The following KATNA1 variants were observed in gnomAD, a reference collection of about 807,000 sequenced individuals.
The protein encoded by KATNA1 is katanin p60 ATPase-containing subunit A1.
Under a neutral mutation model 62.6 loss-of-function variants are expected in KATNA1, and 42 were observed. The observed-to-expected ratio is 0.67, with a 90% CI of 0.52 to 0.87. The LOEUF (loss-of-function observed/expected upper bound fraction) is 0.87. Ranked by LOEUF, KATNA1 falls within the 40% of genes least tolerant of loss-of-function variation. The probability of loss-of-function intolerance (pLI) is 0.00; values close to 1 mark genes in which losing one functional copy is unlikely to be tolerated. For synonymous variants in KATNA1, 186 were observed against 201.9 expected (o/e 0.92, Z 0.67); for missense variants, 498 against 612.5 (o/e 0.81, Z 1.97).
chr6:149,615,402 A>G (rs1226399669), intron 4 of KATNA1, among the ~76,000 whole-genome samples: 1 of 151,802 alleles, frequency 6.6e-6, no homozygotes, highest in African/African-American at 2.4e-5. Context: ...ACGGGCTTTC[A>G]CCATCTTGTC....
At position 149,648,252 on chromosome 6, in the gene KATNA1, G is replaced by A. The variant is rs909901487; in HGVS notation, c.-14+217C>T. ...AAAGATGGGATCGACAGGAGCCCCC[G>A]AAAAGTCCTCCGCCTGACAGGATTC... is the stretch of plus-strand genomic sequence containing the variant. On this transcript the variant is annotated intron_variant, in intron 1 of 10. Coordinates refer to ENST00000367411, the MANE Select transcript of KATNA1 (RefSeq NM_007044.4). Among the ~76,000 whole-genome samples the A allele has an allele frequency of 3.9e-5, 6 of 152,158 alleles. No homozygotes were observed. In the East Asian group the frequency reaches 7.7e-4, roughly 20 times the overall value.
At chr6:149,621,445 A>G (rs908816891) in intron 4 of KATNA1, among the ~76,000 whole-genome samples, 2 of 149,736 alleles carry the variant, frequency 1.3e-5, no homozygotes, top group Admixed American at 1.3e-4. Context: ...TATATGATAC[A>G]CTGAGAGAAA....
At chr6:149,600,300 G>C (rs1778488905) in intron 7 of KATNA1, among the ~76,000 whole-genome samples, 1 of 148,762 alleles carries the variant, frequency 6.7e-6, no homozygotes, top group African/African-American at 2.5e-5. Context: ...AGGAGTTCTA[G>C]ACTGCCTGGG....
chr6:149,619,122 A>G lies in KATNA1; in HGVS notation c.501+3981T>C, dbSNP rs189371688. Among the ~76,000 whole-genome samples the G allele has an allele frequency of 7.9e-5, 12 of 152,318 alleles. No homozygotes were observed. In the South Asian group the frequency reaches 2.1e-3, roughly 26 times the overall value. On this transcript the variant is annotated intron_variant, in intron 4 of 10. Transcript: ENST00000367411. ...CCAGAATATACAAAGAACTCAAACA[A>G]GAGCAAAAAACCCCCCACAAATAAT...
intron 3 of KATNA1, among the ~76,000 whole-genome samples, chr6:149,627,162 G>A (rs1779644512): frequency 1.3e-5 from 2 of 151,356 alleles, no homozygotes; most frequent in East Asian, 1.9e-4. Context: ...TGAGGCTGAG[G>A]CAGGTGGATC....
chr6:149,601,750 TC>T lies in KATNA1; in HGVS notation c.731del (p.Gly244GlufsTer3), dbSNP rs1387288815. The T allele has an allele frequency of 6.3e-7, 1 of 1,586,536 alleles. No homozygotes were observed. The highest frequency in any genetic ancestry group is 8.6e-7 in the Non-Finnish European group (1 of 1,167,954). On this transcript the variant is annotated frameshift_variant and splice_region_variant, in exon 7 of 11. Transcript: ENST00000367411. LOFTEE classifies it high-confidence loss of function. ...FFKGIRRPWK[G>X]VLMVGPPGTG... ...TGCCAGGTGGGCCGACCATCAGTAC[TC>T]CCTGTTGCGAATATAATAGCCTCAG... is the stretch of plus-strand genomic sequence containing the variant.
At chr6:149,648,151 C>T (rs1392061166) in intron 1 of KATNA1, among the ~76,000 whole-genome samples, 1 of 152,096 alleles carries the variant, frequency 6.6e-6, no homozygotes, top group Non-Finnish European at 1.5e-5. Flanking sequence ...GGGGCGTGAG[C>T]GGGTTCTGGA....
intron 3 of KATNA1, among the ~76,000 whole-genome samples, chr6:149,624,535 C>CCA (rs1378762644): frequency 2.6e-5 from 4 of 152,036 alleles, no homozygotes; most frequent in Non-Finnish European, 5.9e-5. Context: ...CCACATGGCA[C>CCA]CACACAAGGC....
chr6:149,600,927 G>C (rs1041065283), intron 7 of KATNA1, among the ~76,000 whole-genome samples: 1 of 151,878 alleles, frequency 6.6e-6, no homozygotes, highest in Non-Finnish European at 1.5e-5. Context: ...AGGCAAGACT[G>C]AGAACCCATT....
At chr6:149,641,367 G>A (rs1213130322) in intron 1 of KATNA1, among the ~76,000 whole-genome samples, 1 of 151,104 alleles carries the variant, frequency 6.6e-6, no homozygotes, top group East Asian at 1.9e-4. Flanking sequence ...TAGTAGAGAT[G>A]GGGTTTCACC....
chr6:149,614,776 A>G (rs190404648), intron 4 of KATNA1, among the ~76,000 whole-genome samples: 1 of 152,304 alleles, frequency 6.6e-6, no homozygotes, highest in East Asian at 1.9e-4. Context: ...CAAAGAAAAC[A>G]GCTATAAAAT....
chr6:149,637,684 G>A (rs1028726693), intron 2 of KATNA1, among the ~76,000 whole-genome samples: 2 of 152,066 alleles, frequency 1.3e-5, no homozygotes, highest in African/African-American at 4.8e-5. Context: ...AAAATTAGCT[G>A]GGTGTGGAGG....
intron 4 of KATNA1, among the ~76,000 whole-genome samples, chr6:149,609,991 C>T (rs1232087800): frequency 3.3e-5 from 5 of 149,348 alleles, no homozygotes; most frequent in Non-Finnish European, 5.9e-5. Flanking sequence ...CCCAGCTACT[C>T]GGGAGGCTGA....
At chr6:149,615,899 A>G (rs1779150948) in intron 4 of KATNA1, among the ~76,000 whole-genome samples, 1 of 152,226 alleles carries the variant, frequency 6.6e-6, no homozygotes, top group South Asian at 2.1e-4. Flanking sequence ...ATAGGTTAAA[A>G]GTGCAAGAAT....
chr6:149,647,087 AAAG>A (rs1423068428), intron 1 of KATNA1, among the ~76,000 whole-genome samples: 2 of 152,122 alleles, frequency 1.3e-5, no homozygotes, highest in African/African-American at 2.4e-5. Flanking sequence ...CCAACGCTAT[AAAG>A]AAGCTTTATA....
intron 3 of KATNA1, among the ~76,000 whole-genome samples, chr6:149,631,139 C>T (rs555445169): frequency 6.6e-6 from 1 of 152,266 alleles, no homozygotes; most frequent in African/African-American, 2.4e-5. Flanking sequence ...GTGGCTCACG[C>T]CTGTAATCCC....
chr6:149,636,098 AT>A (rs1185433286), intron 2 of KATNA1, among the ~76,000 whole-genome samples: 1 of 151,944 alleles, frequency 6.6e-6, no homozygotes, highest in African/African-American at 2.4e-5. Context: ...AAAAATAAAA[AT>A]AAACTATATA....
At chr6:149,598,136 A>C (rs1778398236) in intron 8 of KATNA1, 88 bp downstream of exon 8, 1 of 1,450,564 alleles carries the variant, frequency 6.9e-7, no homozygotes, top group South Asian at 1.3e-5. Flanking sequence ...TTGGGTTAGC[A>C]CTATGAGTAA....
At chr6:149,618,020 T>C (rs1779245289) in intron 4 of KATNA1, among the ~76,000 whole-genome samples, 1 of 146,824 alleles carries the variant, frequency 6.8e-6, no homozygotes, top group South Asian at 2.1e-4. Context: ...CTGGGCATGG[T>C]GGCACATGCC....
Sources: gnomAD v4.1 joint callset for allele counts (sites outside exome capture counted in the v4.1 genomes callset) on GRCh38, gnomAD v4.1.1 for gene constraint, MANE v1.5 for transcripts, NCBI Gene and HGNC (gene_info 2026-07-23, HGNC 2026-07-21) for gene names.